The following CD36 variants were observed in gnomAD, a reference collection of about 807,000 sequenced individuals.
CD36 encodes the protein platelet glycoprotein 4.
CD36 carries 119 observed loss-of-function variants against 55.2 expected under a neutral mutation model. The observed-to-expected ratio is 2.15, with a 90% CI of 1.86 to 2.51. CD36 has a LOEUF of 2.51. Ranked by LOEUF, CD36 falls within the 30% of genes most tolerant of loss-of-function variation. The pLI is 0.00. For synonymous variants in CD36, 186 were observed against 193.6 expected, an observed-to-expected ratio of 0.96 and a Z score of 0.33; for missense variants, 819 against 555.5, an observed-to-expected ratio of 1.47 and a Z score of -4.77.
In CD36 at chr7:80,670,799, G is replaced by A. The variant is rs1159212974; in HGVS notation, c.819-178G>A. On this transcript the variant is annotated intron_variant, in intron 9 of 14. Coordinates refer to ENST00000447544, the MANE Select transcript of CD36 (RefSeq NM_001001548.3). ...TACTTCACAAACAAGAATAGTTCAT[G>A]CTTGGCTATTGAGTTTTAGTATGTG... 9 of 601,510 alleles carry A rather than the reference G, an allele frequency of 1.5e-5. 1 individual carries two copies. Among genetic ancestry groups the A allele is most frequent in the Admixed American group, 1.5e-4 (5 of 33,896 alleles). The allele number at this position is 601,510 out of a possible 1,614,324, so 37.3% of individuals were successfully genotyped here. A position where few individuals can be genotyped will look rare whatever the true frequency, so the allele number is the denominator to read the frequency against.
intron 1 of CD36, among the ~76,000 whole-genome samples, chr7:80,643,701 G>C (rs1409660638): frequency 6.6e-6 from 1 of 152,116 alleles, no homozygotes; most frequent in African/African-American, 2.4e-5. Flanking sequence ...TGAAAAACCA[G>C]TTCAGCCGCT....
intron 9 of CD36, 133 bp from the exon 10 acceptor site, chr7:80,670,844 T>TTTTTTCTAAGAATGAAAC (rs1797588995): frequency 4.2e-6 from 3 of 713,518 alleles, no homozygotes; most frequent in Admixed American, 2.4e-5. Context: ...CCCAATCACT[T>TTTTTTCTAAGAATGAAAC]TTTTTCTAAG....
chr7:80,673,949 A>G (rs202161841), intron 13 of CD36, 34 bp from the exon 14 acceptor site: 38 of 1,565,602 alleles, frequency 2.4e-5, no homozygotes, highest in Non-Finnish European at 3.3e-5. Flanking sequence ...TTACTAACGT[A>G]CCCAAATAAT....
Position 80,676,793 on chromosome 7 carries a change from T to A in CD36, c.*410T>A, listed in dbSNP as rs2116944721. 6.6e-6 allele frequency: 1 copy of A among 152,150 alleles called. No individual in the cohort carries two copies. The highest frequency in any genetic ancestry group is 2.1e-4 in the South Asian group (1 of 4,820). 9.4% of individuals were successfully genotyped at this position (152,150 alleles called of 1,614,324 possible). ...CTCTGTTCTGCACCTCTTCTGGAAA[T>A]TGAGTAAATTTTGCTTTTTTTTTTT... On this transcript the variant is annotated 3_prime_UTR_variant, in exon 15 of 15. Coordinates refer to ENST00000447544, the MANE Select transcript of CD36 (RefSeq NM_001001548.3).
intron 4 of CD36, 39 bp downstream of exon 4, chr7:80,656,739 G>T: frequency 1.3e-6 from 2 of 1,574,060 alleles, no homozygotes; most frequent in South Asian, 2.2e-5. Flanking sequence ...CTCTTACCTT[G>T]ACCATGTATT....
rs1388429104 is a variant in CD36 at position 80,656,693 on chromosome 7, A to G, written c.274A>G (p.Thr92Ala). Residue 92 changes from threonine (T) to alanine (A), a missense_variant, in exon 4 of 15, where the codon ACG (threonine) becomes GCG (alanine). By Grantham distance (58) the Thr-to-Ala change is moderately conservative. Transcript: ENST00000447544. ...NIQVKQRGPY[T>A]YRVRFLAKEN... ...TCAAGTTAAGCAAAGAGGTCCTTAT[A>G]CGTACAGGTGAGTGAGTCCCCACAA... The G allele has an allele frequency of 3.1e-6, 5 of 1,613,278 alleles. No homozygotes were observed. Among genetic ancestry groups the G allele is most frequent in the Non-Finnish European group, 4.2e-6 (5 of 1,179,552 alleles).
At chr7:80,644,805 T>C (rs1795036323) in intron 1 of CD36, among the ~76,000 whole-genome samples, 2 of 152,196 alleles carry the variant, frequency 1.3e-5, no homozygotes, top group Admixed American at 6.5e-5. Context: ...GGCACATATG[T>C]TTTCTTTGGC....
In CD36 at chr7:80,655,026, A is replaced by G. The variant is rs113694540; in HGVS notation, c.121-1514A>G. On this transcript the variant is annotated intron_variant, in intron 3 of 14. Transcript: ENST00000447544. ...CCTGGTTTCTCAGAGCCTCAGTGTG[A>G]TCCACTGGAAAATGTGATCATGTTC... 4.8e-3 allele frequency among the ~76,000 whole-genome samples: 727 copies of G among 152,214 alleles called. 2 individuals carry two copies. The highest frequency in any genetic ancestry group is 0.016 in the African/African-American group (681 of 41,546).
chr7:80,642,749 A>G (rs1442345459), intron 1 of CD36, among the ~76,000 whole-genome samples: 1 of 152,176 alleles, frequency 6.6e-6, no homozygotes, highest in Admixed American at 6.6e-5. Context: ...TGAAAATTTG[A>G]ACAAATAGAC....
intron 1 of CD36, among the ~76,000 whole-genome samples, chr7:80,604,350 A>T (rs143086449): frequency 7.4e-5 from 4 of 54,294 alleles, no homozygotes; most frequent in African/African-American, 1.1e-4. Flanking sequence ...AGCCACTGGA[A>T]TTTTTTTTTT....
At chr7:80,638,785 G>C (rs1426314942) in intron 1 of CD36, 39 bp downstream of exon 1, 1 of 151,770 alleles carries the variant, frequency 6.6e-6, no homozygotes, top group Non-Finnish European at 1.5e-5. Context: ...AAAAGATTAA[G>C]GGATTTTTCC....
chr7:80,670,085 A>G, intron 9 of CD36, 63 bp downstream of exon 9: 1 of 967,160 alleles, frequency 1.0e-6, no homozygotes. Flanking sequence ...AATGCAGACC[A>G]AGAAACTTAA....
chr7:80,626,354 T>A (rs1433501406), intron 1 of CD36: 1 of 152,152 alleles, frequency 6.6e-6, no homozygotes, highest in African/African-American at 2.4e-5. Flanking sequence ...GAGAACTACA[T>A]GAAAATGAAG....
At position 80,661,220 on chromosome 7, in the gene CD36, C is replaced by CA; in HGVS notation, c.429+13dup. The stretch of plus-strand genomic sequence containing the variant: ...CAATCTGGCTGTGGCAGTGAGTAGA[C>CA]AAACAACAAAGTTATCTATTTTAAA... On this transcript the variant is annotated intron_variant, in intron 5 of 14. Coordinates refer to ENST00000447544, the MANE Select transcript of CD36 (RefSeq NM_001001548.3). 1.2e-6 allele frequency: 2 copies of CA among 1,611,894 alleles called. No homozygotes were observed. The highest frequency in any genetic ancestry group is 1.7e-6 in the Non-Finnish European group (2 of 1,178,060).
At chr7:80,657,555 G>A (rs993221854) in intron 4 of CD36, among the ~76,000 whole-genome samples, 1 of 152,156 alleles carries the variant, frequency 6.6e-6, no homozygotes, top group Non-Finnish European at 1.5e-5. Flanking sequence ...GCCTGATCCA[G>A]TGGATGTGAG....
chr7:80,602,646 A>C (rs190149122), intron 1 of CD36, among the ~76,000 whole-genome samples: 98 of 152,188 alleles, frequency 6.4e-4, no homozygotes, highest in Non-Finnish European at 1.1e-3. Flanking sequence ...TGCCTAGTTC[A>C]TGTCTTTTAC....
chr7:80,648,974 A>G (rs1562794078), intron 3 of CD36, among the ~76,000 whole-genome samples: 1 of 152,126 alleles, frequency 6.6e-6, no homozygotes, highest in Non-Finnish European at 1.5e-5. Context: ...ACATGGGGTT[A>G]GAGTTAGGAA....
intron 1 of CD36, among the ~76,000 whole-genome samples, chr7:80,640,597 T>G (rs1324580245): frequency 6.6e-6 from 1 of 152,006 alleles, no homozygotes; most frequent in African/African-American, 2.4e-5. Context: ...CTTTATAGTG[T>G]CTGTTTATAG....
At chr7:80,648,311 C>T (rs995223245) in intron 3 of CD36, among the ~76,000 whole-genome samples, 2 of 151,956 alleles carry the variant, frequency 1.3e-5, no homozygotes, top group African/African-American at 4.8e-5. Flanking sequence ...AACGTACAGA[C>T]TACAACATCA....
Sources: allele counts gnomAD v4.1 joint callset (sites outside exome capture counted in the v4.1 genomes callset), GRCh38; gene constraint gnomAD v4.1.1; transcripts MANE v1.5; gene names NCBI Gene and HGNC (gene_info 2026-07-23, HGNC 2026-07-21).